NFIA: variants seen among roughly 807,000 people sequenced by gnomAD.
NFIA encodes the protein nuclear factor 1 A-type.
Under a neutral mutation model 62.8 loss-of-function variants are expected in NFIA, and 8 were observed. The ratio of observed to expected loss-of-function variants is 0.13; its 90% CI spans 0.07 to 0.23. The LOEUF is 0.23. Ranked by LOEUF, NFIA falls within the 10% of genes least tolerant of loss-of-function variation. The pLI, the probability that NFIA is intolerant of heterozygous loss-of-function variation, is 1.00. For missense variants in NFIA, 410 were observed against 642.1 expected, an observed-to-expected ratio of 0.64 and a Z score of 3.91; for synonymous variants, 235 against 238.1, an observed-to-expected ratio of 0.99 and a Z score of 0.12.
intron 5 of NFIA, among the ~76,000 whole-genome samples, chr1:61,357,273 A>T (rs1006518811): frequency 1.3e-5 from 2 of 152,160 alleles, no homozygotes; most frequent in Non-Finnish European, 2.9e-5. Context: ...ACCAATTAGA[A>T]CAGACACTGC....
chr1:61,204,292 G>C (rs1360399591), intron 2 of NFIA, among the ~76,000 whole-genome samples: 5 of 152,194 alleles, frequency 3.3e-5, no homozygotes. Context: ...ACTTGAGCCA[G>C]TTAGCTGGTG....
chr1:61,285,738 T>C (rs2806425), intron 3 of NFIA, among the ~76,000 whole-genome samples: 76,330 of 151,964 alleles, frequency 0.5, 20,695 homozygotes, highest in East Asian at 0.71. Flanking sequence ...CTATACTTGG[T>C]TGATTTTAAC....
chr1:61,403,967 T>C (rs1665692399), intron 7 of NFIA, 137 bp from the exon 8 acceptor site: 1 of 969,334 alleles, frequency 1.0e-6, no homozygotes, highest in African/African-American at 1.6e-5. Context: ...GTCAGACCTA[T>C]CCAGTGTTAA....
At chr1:61,424,556 C>A (rs1437513326) in intron 9 of NFIA, among the ~76,000 whole-genome samples, 2 of 152,040 alleles carry the variant, frequency 1.3e-5, no homozygotes, top group Non-Finnish European at 2.9e-5. Flanking sequence ...CCTTAATATA[C>A]CCTTCATTCC....
Position 61,083,199 on chromosome 1 carries a change from C to T in NFIA, c.27+381C>T, listed in dbSNP as rs117474251. 0.011 allele frequency among the ~76,000 whole-genome samples: 1,722 copies of T among 152,206 alleles called. 108 individuals carry two copies. In the East Asian group the frequency reaches 0.18, roughly 16 times the overall value. On this transcript the variant is annotated intron_variant, in intron 1 of 10. Transcript: ENST00000403491. ...CAGTCCATGACACGCAGAAATCTGG[C>T]TCAGCGTTTCTGCTGCCGGGAGCAG...
intron 2 of NFIA, among the ~76,000 whole-genome samples, chr1:61,158,484 A>G: frequency 6.6e-6 from 1 of 152,358 alleles, no homozygotes; most frequent in Non-Finnish European, 1.5e-5. Flanking sequence ...ATATTTACTC[A>G]TTCAGATGCC....
intron 3 of NFIA, among the ~76,000 whole-genome samples, 166 bp from the exon 4 acceptor site, chr1:61,332,346 A>G (rs918655741): frequency 2.0e-5 from 3 of 152,220 alleles, no homozygotes; most frequent in East Asian, 1.9e-4. Context: ...CCAAAAATCT[A>G]TCTGCTTAGC....
At chr1:61,145,315 G>A (rs1294568174) in intron 2 of NFIA, among the ~76,000 whole-genome samples, 4 of 152,050 alleles carry the variant, frequency 2.6e-5, no homozygotes, top group Admixed American at 6.6e-5. Context: ...TTGCATATTG[G>A]ACTTCATGGC....
chr1:61,387,468 CTTTTTTTTTTTTT>C (rs33965994), intron 7 of NFIA, among the ~76,000 whole-genome samples: 4 of 95,488 alleles, frequency 4.2e-5, no homozygotes, highest in Non-Finnish European at 6.1e-5. Flanking sequence ...CAAGCACTTT[CTTTTTTTTTTTTT>C]TTTTTTTTTT....
chr1:61,368,861 C>G (rs1169165153), intron 6 of NFIA, among the ~76,000 whole-genome samples: 5 of 152,068 alleles, frequency 3.3e-5, no homozygotes, highest in African/African-American at 1.2e-4. Flanking sequence ...AAGCACTGTG[C>G]AAAAATGATA....
intron 2 of NFIA, among the ~76,000 whole-genome samples, chr1:61,121,510 T>G (rs934726262): frequency 1.3e-5 from 2 of 152,168 alleles, no homozygotes; most frequent in African/African-American, 4.8e-5. Context: ...TCAGTGAAAA[T>G]TAAAATATTT....
chr1:61,193,693 AT>A (rs1420101105), intron 2 of NFIA, among the ~76,000 whole-genome samples: 1 of 152,214 alleles, frequency 6.6e-6, no homozygotes, highest in African/African-American at 2.4e-5. Context: ...AATATGAAAT[AT>A]TTGCAGAACA....
chr1:61,202,526 A>T (rs1264819423), intron 2 of NFIA, among the ~76,000 whole-genome samples: 1 of 152,206 alleles, frequency 6.6e-6, no homozygotes, highest in African/African-American at 2.4e-5. Context: ...TTAAAGAAGG[A>T]TGATACATAC....
intron 2 of NFIA, among the ~76,000 whole-genome samples, chr1:61,259,190 A>G (rs936766580): frequency 1.3e-5 from 2 of 152,222 alleles, no homozygotes; most frequent in African/African-American, 4.8e-5. Flanking sequence ...CCTGATAAAG[A>G]GAAGAAATTT....
intron 5 of NFIA, among the ~76,000 whole-genome samples, chr1:61,356,455 C>G (rs1223251285): frequency 6.6e-6 from 1 of 152,066 alleles, no homozygotes; most frequent in Non-Finnish European, 1.5e-5. Flanking sequence ...GAGCCTGAAC[C>G]AAGAGTTATG....
At chr1:61,196,898 AGTGT>A (rs3030264) in intron 2 of NFIA, among the ~76,000 whole-genome samples, 31,521 of 148,272 alleles carry the variant, frequency 0.21, 3,909 homozygotes, top group Middle Eastern at 0.31. Context: ...ACCTTAAAGG[AGTGT>A]GTGTGTGTGT....
intron 6 of NFIA, among the ~76,000 whole-genome samples, chr1:61,365,848 C>CA (rs1356837955): frequency 2.0e-5 from 3 of 152,302 alleles, no homozygotes; most frequent in African/African-American, 7.2e-5. Context: ...ATTCTCTAAT[C>CA]ACGTGAAATA....
intron 2 of NFIA, among the ~76,000 whole-genome samples, chr1:61,195,274 G>C (rs1651914164): frequency 6.6e-6 from 1 of 152,090 alleles, no homozygotes; most frequent in Admixed American, 6.5e-5. Context: ...GTGATGACAG[G>C]GTCTTACGGC....
At chr1:61,247,741 A>T (rs1455075687) in intron 2 of NFIA, among the ~76,000 whole-genome samples, 2 of 152,052 alleles carry the variant, frequency 1.3e-5, no homozygotes, top group Non-Finnish European at 2.9e-5. Context: ...TGCTGCCACC[A>T]TTGGGTTCCT....
Sources: gnomAD v4.1 joint callset for allele counts (sites outside exome capture counted in the v4.1 genomes callset) on GRCh38, gnomAD v4.1.1 for gene constraint, MANE v1.5 for transcripts, NCBI Gene and HGNC (gene_info 2026-07-23, HGNC 2026-07-21) for gene names.